The following ZDHHC17 variants were observed in gnomAD, a reference collection of about 807,000 sequenced individuals.
ZDHHC17 encodes the protein palmitoyltransferase ZDHHC17.
ZDHHC17 carries 40 observed loss-of-function variants against 90.3 expected under a neutral mutation model. That is an observed-to-expected ratio of 0.44 (90% CI 0.34 to 0.58). The LOEUF is 0.58. Among genes scored for constraint, ZDHHC17 ranks in the 20% least tolerant of loss-of-function variants. ZDHHC17 has a pLI of 0.01. For synonymous variants in ZDHHC17, 235 were observed against 252.4 expected, an observed-to-expected ratio of 0.93 and a Z score of 0.65; for missense variants, 614 against 780.8, an observed-to-expected ratio of 0.79 and a Z score of 2.55.
At chr12:76,805,290 C>T (rs373463993) in intron 2 of ZDHHC17, 27 bp from the exon 3 acceptor site, 1 of 1,548,740 alleles carries the variant, frequency 6.5e-7, no homozygotes, top group Non-Finnish European at 8.8e-7. Flanking sequence ...TAAATAATAA[C>T]AATGCCATAT....
chr12:76,809,467 T>C (rs990975966), intron 4 of ZDHHC17, among the ~76,000 whole-genome samples: 26 of 152,074 alleles, frequency 1.7e-4, no homozygotes, highest in African/African-American at 6.0e-4. Context: ...TAATAGAATA[T>C]AGTAATTATT....
chr12:76,827,048 A>G lies in ZDHHC17; in HGVS notation c.1038A>G (p.Ser346=), dbSNP rs750000625. 24 of 1,552,334 alleles carry G rather than the reference A, an allele frequency of 1.5e-5. No individual in the cohort carries two copies. The highest frequency in any genetic ancestry group is 2.1e-5 in the Non-Finnish European group (24 of 1,160,214). ...GGVWATVQFL[S]KSFFDHSMHS... Reference sequence around the variant, plus strand: ...TTTGGGCTACAGTACAGTTTCTTTCAAAGTAAGTGTGTTGTTTTTAACTAT... The same window carrying G: ...TTTGGGCTACAGTACAGTTTCTTTCGAAGTAAGTGTGTTGTTTTTAACTAT... Residue 346 remains serine, a splice_region_variant and synonymous_variant, in exon 9 of 17, where the codon TCA becomes TCG. Coordinates refer to ENST00000426126, the MANE Select transcript of ZDHHC17 (RefSeq NM_015336.4).
intron 1 of ZDHHC17, among the ~76,000 whole-genome samples, chr12:76,791,810 C>T (rs1952763052): frequency 6.6e-6 from 1 of 152,140 alleles, no homozygotes; most frequent in Admixed American, 6.5e-5. Flanking sequence ...ATGACTCCCT[C>T]CTCAGATTTG....
intron 5 of ZDHHC17, among the ~76,000 whole-genome samples, chr12:76,813,085 T>G (rs1414284399): frequency 6.6e-6 from 1 of 152,114 alleles, no homozygotes; most frequent in African/African-American, 2.4e-5. Context: ...CATTTTTTTA[T>G]TTATTGATAT....
At chr12:76,827,123 A>T in intron 9 of ZDHHC17, 73 bp downstream of exon 9, 1 of 1,422,272 alleles carries the variant, frequency 7.0e-7, no homozygotes, top group Non-Finnish European at 9.3e-7. Context: ...GTATAAAATT[A>T]ATGTTTGTAT....
At chr12:76,806,595 G>C (rs915131565) in intron 3 of ZDHHC17, among the ~76,000 whole-genome samples, 1 of 151,952 alleles carries the variant, frequency 6.6e-6, no homozygotes, top group Non-Finnish European at 1.5e-5. Flanking sequence ...GGCTGGTCTC[G>C]AACTCCCGCC....
rs570281000 is a variant in ZDHHC17 at position 76,846,699 on chromosome 12, G to A, written c.1507+20G>A. 1.0e-5 allele frequency: 16 copies of A among 1,575,556 alleles called. No individual in the cohort carries two copies. Among genetic ancestry groups the A allele is most frequent in the Admixed American group, 5.4e-5 (3 of 55,370 alleles). The stretch of plus-strand genomic sequence containing the variant: ...TATCTTGTGAGTACAATTAGTTTTC[G>A]GTCTTTTTAAAACAAATTTCTGCAT... On this transcript the variant is annotated intron_variant, in intron 14 of 16. Transcript: ENST00000426126.
At chr12:76,811,167 ACC>A (rs34533744) in intron 5 of ZDHHC17, among the ~76,000 whole-genome samples, 91,984 of 151,782 alleles carry the variant, frequency 0.61, 27,903 homozygotes, top group East Asian at 0.67. Context: ...GGCCATAACC[ACC>A]CGGAGGGAAG....
intron 7 of ZDHHC17, among the ~76,000 whole-genome samples, chr12:76,819,992 T>C (rs1953142206): frequency 2.1e-5 from 2 of 97,492 alleles, no homozygotes; most frequent in African/African-American, 7.4e-5. Context: ...AAACTATGTC[T>C]TAAAAAAAAA....
chr12:76,809,325 A>G (rs1326824672), intron 4 of ZDHHC17, among the ~76,000 whole-genome samples: 18 of 149,584 alleles, frequency 1.2e-4, no homozygotes, highest in Non-Finnish European at 1.5e-5. Flanking sequence ...CCATGCTGAT[A>G]TTAATTCAGT....
chr12:76,793,907 A>T (rs992023222), intron 1 of ZDHHC17, among the ~76,000 whole-genome samples: 2 of 151,930 alleles, frequency 1.3e-5, no homozygotes, highest in Non-Finnish European at 2.9e-5. Context: ...TTTTTTTGAG[A>T]CAGAGTCTCA....
intron 7 of ZDHHC17, among the ~76,000 whole-genome samples, chr12:76,817,715 G>C (rs935484425): frequency 6.6e-6 from 1 of 152,024 alleles, no homozygotes; most frequent in Non-Finnish European, 1.5e-5. Context: ...CTTCTCATTA[G>C]CCATTGCGTA....
intron 10 of ZDHHC17, among the ~76,000 whole-genome samples, chr12:76,837,127 A>T (rs1953374976): frequency 6.6e-6 from 1 of 152,062 alleles, no homozygotes; most frequent in Admixed American, 6.6e-5. Context: ...AACACATTTA[A>T]AATGATTCAG....
chr12:76,825,169 A>G (rs1259593661), intron 8 of ZDHHC17, among the ~76,000 whole-genome samples: 1 of 152,168 alleles, frequency 6.6e-6, no homozygotes, highest in African/African-American at 2.4e-5. Context: ...GTGACATGCT[A>G]CTGTTACCAT....
rs758971347 is a variant in ZDHHC17 at position 76,809,827 on chromosome 12, A to G, written c.513A>G (p.Ser171=). ...IHLAAQFGHT[S]IVAYLIAKGQ... ...TGGCTGCTCAGTTCGGACATACCTC[A>G]ATTGTTGCTTATCTCATAGCAAAAG... Residue 171 remains serine, a synonymous_variant, in exon 5 of 17, where the codon TCA becomes TCG. Coordinates refer to ENST00000426126, the MANE Select transcript of ZDHHC17 (RefSeq NM_015336.4). 1 of 1,611,298 alleles carries G rather than the reference A, an allele frequency of 6.2e-7. No homozygotes were observed. Among genetic ancestry groups the G allele is most frequent in the Non-Finnish European group, 8.5e-7 (1 of 1,178,786 alleles).
At chr12:76,831,940 A>G (rs1953306767) in intron 10 of ZDHHC17, among the ~76,000 whole-genome samples, 2 of 152,220 alleles carry the variant, frequency 1.3e-5, no homozygotes, top group South Asian at 2.1e-4. Flanking sequence ...GCCCATGCCT[A>G]GCTCACAGTT....
At chr12:76,812,018 A>T (rs1161241176) in intron 5 of ZDHHC17, among the ~76,000 whole-genome samples, 1 of 152,196 alleles carries the variant, frequency 6.6e-6, no homozygotes, top group Admixed American at 6.6e-5. Flanking sequence ...AAGATGAATG[A>T]ATTCCACATT....
intron 1 of ZDHHC17, among the ~76,000 whole-genome samples, chr12:76,787,661 G>A (rs189766745): frequency 3.3e-5 from 5 of 151,990 alleles, no homozygotes; most frequent in East Asian, 1.9e-4. Context: ...GTGTGTGTGC[G>A]CGCGCAGGAG....
chr12:76,811,641 T>C (rs76876993), intron 5 of ZDHHC17, among the ~76,000 whole-genome samples: 4,090 of 152,230 alleles, frequency 0.027, 192 homozygotes, highest in African/African-American at 0.092. Context: ...AAATTTTTTT[T>C]CTGCACACAA....
Sources: gnomAD v4.1 joint callset for allele counts (sites outside exome capture counted in the v4.1 genomes callset) on GRCh38, gnomAD v4.1.1 for gene constraint, MANE v1.5 for transcripts, NCBI Gene and HGNC (gene_info 2026-07-23, HGNC 2026-07-21) for gene names.